FHAD1: variants seen among roughly 807,000 people sequenced by gnomAD.
The protein encoded by FHAD1 is forkhead associated phosphopeptide binding domain 1.
Under a neutral mutation model 191.3 loss-of-function variants are expected in FHAD1, and 146 were observed. That is an observed-to-expected ratio of 0.76 (90% CI 0.67 to 0.88). The LOEUF is 0.88. Among genes scored for constraint, FHAD1 ranks in the 40% least tolerant of loss-of-function variants. The pLI, the probability that FHAD1 is intolerant of heterozygous loss-of-function variation, is 0.00. For missense variants in FHAD1, 1,635 were observed against 1,785.8 expected (o/e 0.92, Z 1.52); for synonymous variants, 616 against 672.3 (o/e 0.92, Z 1.29).
Position 15,382,065 on chromosome 1 carries a change from G to A in FHAD1, c.4060G>A (p.Val1354Met). The A allele has an allele frequency of 3.9e-6, 6 of 1,552,204 alleles. No homozygotes were observed. The highest frequency in any genetic ancestry group is 5.2e-6 in the Non-Finnish European group (6 of 1,147,114). The change falls in exon 31 of 34, where the codon GTG becomes ATG. Residue 1354 changes from valine (V) to methionine (M), a missense_variant. Val to Met is a conservative substitution (Grantham distance 21). Transcript: ENST00000688493. The part of the protein sequence containing the change: ...KVSIEMYQSQ[V>M]AKLEDDIYKE... The stretch of plus-strand genomic sequence containing the variant: ...GTCCATTGAGATGTACCAGTCGCAG[G>A]TGGCAAAGCTGGAGGATGATATCTA...
chr1:15,302,618 G>A (rs1157789416), intron 6 of FHAD1, among the ~76,000 whole-genome samples: 2 of 152,056 alleles, frequency 1.3e-5, no homozygotes, highest in Non-Finnish European at 2.9e-5. Flanking sequence ...CCAGCTACTC[G>A]GGAGGCAGTA....
chr1:15,373,448 G>A (rs1310097780), intron 26 of FHAD1, among the ~76,000 whole-genome samples: 1 of 151,900 alleles, frequency 6.6e-6, no homozygotes, highest in African/African-American at 2.4e-5. Flanking sequence ...GGAGGTGGAG[G>A]TTGCAGTGAG....
At position 15,289,603 on chromosome 1, in the gene FHAD1, G is replaced by A. The variant is rs999892160; in HGVS notation, c.505G>A (p.Ala169Thr). 13 of 1,551,586 alleles carry A rather than the reference G, an allele frequency of 8.4e-6. No homozygotes were observed. The highest frequency in any genetic ancestry group is 3.9e-5 in the Admixed American group (2 of 50,988). ...LPASHRRPVS[A>T]NKEMFSFVVD... ...GGCCTCCCACAGGCGGCCTGTGAGC[G>A]CCAACAAGGAGATGTTCTCGTTCGT... is the stretch of plus-strand genomic sequence containing the variant. Residue 169 changes from alanine (A) to threonine (T), a missense_variant, in exon 4 of 34, where the codon GCC (alanine) becomes ACC (threonine). Coordinates refer to ENST00000688493, the MANE Select transcript of FHAD1 (RefSeq NM_001391957.1). This position sits in a 1 kb window ranked among gnomAD's most constrained non-coding sequence, Gnocchi z 4.2.
Position 15,385,719 on chromosome 1 carries a change from A to G in FHAD1, c.4189-2332A>G, listed in dbSNP as rs554575732. On this transcript the variant is annotated intron_variant, in intron 31 of 33. Coordinates refer to ENST00000688493, the MANE Select transcript of FHAD1 (RefSeq NM_001391957.1). Reference sequence around the variant, plus strand: ...GAGCCTAGTAGTTTGGGGCTGCAGTAAGCTATGATCGCACCACTGCCCTCC... The same window carrying G: ...GAGCCTAGTAGTTTGGGGCTGCAGTGAGCTATGATCGCACCACTGCCCTCC... 3.9e-4 allele frequency among the ~76,000 whole-genome samples: 59 copies of G among 152,182 alleles called. 1 individual carries two copies. In the South Asian group the frequency reaches 0.012, roughly 31 times the overall value.
intron 31 of FHAD1, chr1:15,383,095 T>C (rs1701293504): frequency 4.2e-6 from 2 of 471,626 alleles, no homozygotes; most frequent in South Asian, 3.1e-5. Flanking sequence ...TCCCCGCACT[T>C]ATTAACTGTG....
At chr1:15,370,503 G>A (rs1370041269) in intron 26 of FHAD1, among the ~76,000 whole-genome samples, 1 of 152,166 alleles carries the variant, frequency 6.6e-6, no homozygotes, top group Non-Finnish European at 1.5e-5. Flanking sequence ...CTTGTGCAAT[G>A]CTGTCGTTAA....
At chr1:15,314,494 G>C (rs1261397662) in intron 8 of FHAD1, 1 of 152,190 alleles carries the variant, frequency 6.6e-6, no homozygotes, top group African/African-American at 2.4e-5. Context: ...GGTTTGCATT[G>C]TGCGCTTCCG....
chr1:15,247,421 C>T, intron 1 of FHAD1, 26 bp downstream of exon 1: 1 of 190,410 alleles, frequency 5.3e-6, no homozygotes, highest in Non-Finnish European at 1.1e-5. Flanking sequence ...GAAGGGGTGG[C>T]GGGCCGAGAC....
In FHAD1 at chr1:15,375,603, A is replaced by G. The variant is rs557799240; in HGVS notation, c.3578A>G (p.Asp1193Gly). ...IKELEKARSP[D>G]HKDHQNESFL... ...TGAGTCTACTTTATTTCTTTTACAG[A>G]TCATAAAGACCACCAGAATGAATCA... Residue 1193 changes from aspartate (D) to glycine (G), a missense_variant and splice_region_variant, in exon 28 of 34, where the codon GAT (aspartate) becomes GGT (glycine). Physicochemically the swap from Asp to Gly is moderately conservative, Grantham distance 94 (BLOSUM62 -1). Transcript: ENST00000688493. 269 of 1,524,880 alleles carry G rather than the reference A, an allele frequency of 1.8e-4. 2 individuals are homozygous for G. Among genetic ancestry groups the G allele is most frequent in the Admixed American group, 1.2e-3 (50 of 42,714 alleles). 94.5% of individuals were successfully genotyped at this position (1,524,880 alleles called of 1,614,324 possible).
chr1:15,353,354 C>T (rs1691524145), intron 20 of FHAD1, among the ~76,000 whole-genome samples: 1 of 152,174 alleles, frequency 6.6e-6, no homozygotes, highest in African/African-American at 2.4e-5. Flanking sequence ...GCTAAATCTT[C>T]ATCCCTCCTT....
chr1:15,391,248 G>C lies in FHAD1; in HGVS notation c.4308G>C (p.Gln1436His), dbSNP rs749837528. ...TAGAGATGGTGAAGAACAGGATGCA[G>C]AACTCAAATTCCCAGGTGAGCAGAA... ...VFVEMVKNRMQNSNSQVGTRK... is the reference protein window; with the variant it reads ...VFVEMVKNRMHNSNSQVGTRK... Residue 1436 changes from glutamine to histidine, a missense_variant, in exon 33 of 34, where the codon CAG becomes CAC. By Grantham distance (24) the Gln-to-His change is conservative. Transcript: ENST00000688493. The C allele has an allele frequency of 2.2e-5, 28 of 1,288,514 alleles. No individual in the cohort carries two copies. The South Asian group carries it at 2.5e-4, about 11-fold the overall frequency. 79.8% of individuals were successfully genotyped at this position (1,288,514 alleles called of 1,614,324 possible).
intron 25 of FHAD1, 51 bp from the exon 26 acceptor site, chr1:15,369,319 G>A: frequency 6.5e-7 from 1 of 1,546,736 alleles, no homozygotes; most frequent in Admixed American, 2.0e-5. Flanking sequence ...GAGTGTAAAA[G>A]TAATTTGTGG....
At chr1:15,310,942 T>C (rs1672079425) in intron 7 of FHAD1, among the ~76,000 whole-genome samples, 1 of 152,118 alleles carries the variant, frequency 6.6e-6, no homozygotes, top group Non-Finnish European at 1.5e-5. Context: ...GGTGCGGATT[T>C]CCTCACCTGC....
Position 15,329,208 on chromosome 1 carries a change from ACT to A in FHAD1, c.1711-137_1711-136del, listed in dbSNP as rs1437695650. ...CATAAAAATTTTAAAAAAGAAAAAA[ACT>A]GAGTCCTCCCAAGGCGGCCAATACG... On this transcript the variant is annotated intron_variant, in intron 13 of 33. Transcript: ENST00000688493. The surrounding 1 kb of genome is among the most constrained non-coding windows in gnomAD (Gnocchi z 5.0). 1.6e-6 allele frequency: 1 copy of A among 624,330 alleles called. No individual in the cohort carries two copies. Among genetic ancestry groups the A allele is most frequent in the African/African-American group, 1.8e-5 (1 of 54,820 alleles). The allele number at this position is 624,330 out of a possible 1,614,324, so 38.7% of individuals were successfully genotyped here.
At position 15,301,361 on chromosome 1, in the gene FHAD1, A is replaced by G; in HGVS notation, c.835A>G (p.Lys279Glu). ...SETTTSRQNE[K>E]EISQKCQVLD... Reference sequence around the variant, plus strand: ...GACCACCACCTCCAGGCAGAATGAGAAGGAGATCTCGCAGAAGTGTCAGGT... The same window carrying G: ...GACCACCACCTCCAGGCAGAATGAGGAGGAGATCTCGCAGAAGTGTCAGGT... The change falls in exon 6 of 34, where the codon AAG becomes GAG. Residue 279 changes from lysine (K) to glutamate (E), a missense_variant. Transcript: ENST00000688493. 2 of 1,551,782 alleles carry G rather than the reference A, an allele frequency of 1.3e-6. No homozygotes were observed. Among genetic ancestry groups the G allele is most frequent in the Non-Finnish European group, 8.7e-7 (1 of 1,147,006 alleles).
chr1:15,401,633 T>C (rs1707129330), downstream of FHAD1, among the ~76,000 whole-genome samples: 1 of 152,206 alleles, frequency 6.6e-6, no homozygotes. Flanking sequence ...AAAAAATAGC[T>C]TCCAGATCTG....
At position 15,381,311 on chromosome 1, in the gene FHAD1, C is replaced by T. The variant is rs1489866180; in HGVS notation, c.3882C>T (p.Ser1294=). Residue 1294 remains serine, a synonymous_variant, in exon 30 of 34, where the codon TCC becomes TCT. Coordinates refer to ENST00000688493, the MANE Select transcript of FHAD1 (RefSeq NM_001391957.1). This position sits in a 1 kb window ranked among gnomAD's most constrained non-coding sequence, Gnocchi z 4.6. The part of the protein sequence containing the change: ...MSGHVSMKYL[S]RQEREKVNQL... Reference sequence around the variant, plus strand: ...GCCACGTGTCCATGAAATACCTCTCCCGCCAGGAGAGGGAGAAGGTCAACC... The same window carrying T: ...GCCACGTGTCCATGAAATACCTCTCTCGCCAGGAGAGGGAGAAGGTCAACC... 6.4e-7 allele frequency: 1 copy of T among 1,551,726 alleles called. No individual in the cohort carries two copies. Among genetic ancestry groups the T allele is most frequent in the African/African-American group, 1.4e-5 (1 of 73,148 alleles).
upstream of FHAD1, among the ~76,000 whole-genome samples, chr1:15,243,512 T>A (rs76108834): frequency 0.011 from 1,699 of 152,314 alleles, 21 homozygotes; most frequent in Non-Finnish European, 0.018. Context: ...ATTCATTTCA[T>A]GTTGGAATGC....
intron 21 of FHAD1, among the ~76,000 whole-genome samples, chr1:15,359,757 T>G (rs1039414512): frequency 1.1e-4 from 16 of 152,224 alleles, no homozygotes; most frequent in African/African-American, 3.9e-4. Flanking sequence ...GAGACCATCC[T>G]GGCTAACATG....
Sources: gnomAD v4.1 joint callset for allele counts (sites outside exome capture counted in the v4.1 genomes callset) on GRCh38, gnomAD v4.1.1 for gene constraint, Gnocchi (gnomAD v3.1) non-coding constraint, MANE v1.5 for transcripts, NCBI Gene and HGNC (gene_info 2026-07-23, HGNC 2026-07-21) for gene names.